CAMKMT: variants seen among roughly 807,000 people sequenced by gnomAD.
The protein encoded by CAMKMT is calmodulin-lysine N-methyltransferase.
A neutral mutation model predicts 48.0 loss-of-function variants in CAMKMT; 53 were observed. The ratio of observed to expected loss-of-function variants is 1.10; its 90% CI spans 0.89 to 1.39. The LOEUF (loss-of-function observed/expected upper bound fraction) is 1.39. Ranked by LOEUF, CAMKMT falls within the 40% of genes most tolerant of loss-of-function variation. The probability of loss-of-function intolerance (pLI) is 0.00; values close to 1 mark genes in which losing one functional copy is unlikely to be tolerated. For missense variants in CAMKMT, 428 were observed against 402.7 expected, an observed-to-expected ratio of 1.06 and a Z score of -0.54; for synonymous variants, 165 against 152.3, an observed-to-expected ratio of 1.08 and a Z score of -0.61.
chr2:44,523,764 G>A (rs1454954059), intron 3 of CAMKMT, among the ~76,000 whole-genome samples: 2 of 145,874 alleles, frequency 1.4e-5, no homozygotes, highest in Non-Finnish European at 3.0e-5. Flanking sequence ...CCTCCAGAGA[G>A]CGAGCATTTT....
chr2:44,555,546 A>T (rs1424544084), intron 3 of CAMKMT, among the ~76,000 whole-genome samples: 1 of 152,212 alleles, frequency 6.6e-6, no homozygotes, highest in Non-Finnish European at 1.5e-5. Flanking sequence ...GCTGTTGAGA[A>T]GGTCTAGGCA....
At chr2:44,471,463 G>A (rs949353947) in intron 3 of CAMKMT, among the ~76,000 whole-genome samples, 29 of 152,034 alleles carry the variant, frequency 1.9e-4, no homozygotes, top group Admixed American at 1.9e-3. Context: ...AGCTGGTGGT[G>A]GTGGTGGGTG....
intron 2 of CAMKMT, among the ~76,000 whole-genome samples, chr2:44,384,500 CT>C (rs141017634): frequency 0.048 from 4,583 of 95,742 alleles, 126 homozygotes; most frequent in African/African-American, 0.13. Context: ...AGCTATTTAT[CT>C]TTTTTTTTTT....
At chr2:44,378,508 G>A (rs1427376013) in intron 2 of CAMKMT, among the ~76,000 whole-genome samples, 1 of 125,222 alleles carries the variant, frequency 8.0e-6, no homozygotes, top group Non-Finnish European at 1.8e-5. Context: ...TTGTTTGTTT[G>A]TTTTGAGACA....
intron 3 of CAMKMT, among the ~76,000 whole-genome samples, chr2:44,442,508 C>T (rs968935068): frequency 1.3e-5 from 2 of 152,104 alleles, no homozygotes; most frequent in Non-Finnish European, 2.9e-5. Context: ...AGGCACTAAA[C>T]GTTATCTCTT....
intron 3 of CAMKMT, among the ~76,000 whole-genome samples, chr2:44,703,174 C>T (rs1213597359): frequency 2.0e-5 from 3 of 151,920 alleles, no homozygotes; most frequent in African/African-American, 7.3e-5. Context: ...GTAGTATATG[C>T]TTATTGTAAA....
chr2:44,471,849 T>C (rs1668435430), intron 3 of CAMKMT, among the ~76,000 whole-genome samples: 1 of 151,838 alleles, frequency 6.6e-6, no homozygotes, highest in Non-Finnish European at 1.5e-5. Flanking sequence ...CCTGGGTAAT[T>C]TTTGTATTTT....
chr2:44,633,813 G>C (rs1156808141), intron 3 of CAMKMT, among the ~76,000 whole-genome samples: 1 of 151,880 alleles, frequency 6.6e-6, no homozygotes, highest in Non-Finnish European at 1.5e-5. Flanking sequence ...AAGTTTTTGA[G>C]GATGCAGGAT....
Position 44,474,465 on chromosome 2 carries a change from A to C in CAMKMT, c.376+84160A>C, listed in dbSNP as rs544310214. ...CCGTCTCAAAAAAAAAAAAAAAAAGAAAAAGAAAAAAGAAATGTAGTAAGT... is the reference window on the plus strand; with the variant it reads ...CCGTCTCAAAAAAAAAAAAAAAAAGCAAAAGAAAAAAGAAATGTAGTAAGT... On this transcript the variant is annotated intron_variant, in intron 3 of 10. Coordinates refer to ENST00000378494, the MANE Select transcript of CAMKMT (RefSeq NM_024766.5). Among the ~76,000 whole-genome samples, 181 of 151,484 alleles carry C rather than the reference A, an allele frequency of 1.2e-3. 1 individual carries two copies. The highest frequency in any genetic ancestry group is 4.3e-3 in the African/African-American group (179 of 41,408).
At chr2:44,512,420 T>C (rs1227363657) in intron 3 of CAMKMT, among the ~76,000 whole-genome samples, 1 of 152,236 alleles carries the variant, frequency 6.6e-6, no homozygotes, top group East Asian at 1.9e-4. Context: ...CCATTATTAT[T>C]ATTTTCTAGC....
chr2:44,619,421 G>T (rs1035631420), intron 3 of CAMKMT, among the ~76,000 whole-genome samples: 1 of 151,712 alleles, frequency 6.6e-6, no homozygotes, highest in Non-Finnish European at 1.5e-5. Context: ...ACCTACTCTT[G>T]TACATTTTTA....
At chr2:44,435,182 T>C (rs891490482) in intron 3 of CAMKMT, among the ~76,000 whole-genome samples, 3 of 152,220 alleles carry the variant, frequency 2.0e-5, no homozygotes, top group Non-Finnish European at 4.4e-5. Flanking sequence ...AAACCACTAG[T>C]ATTTTTGGTC....
intron 3 of CAMKMT, among the ~76,000 whole-genome samples, chr2:44,431,135 T>G (rs1684625265): frequency 6.6e-6 from 1 of 152,184 alleles, no homozygotes; most frequent in Admixed American, 6.5e-5. Flanking sequence ...CTATTCTTTT[T>G]AATGAGAGAT....
chr2:44,482,998 T>C (rs1473117852), intron 3 of CAMKMT, among the ~76,000 whole-genome samples: 2 of 152,170 alleles, frequency 1.3e-5, no homozygotes, highest in Admixed American at 6.5e-5. Context: ...AGAATCATGA[T>C]GCCAATGCTG....
intron 3 of CAMKMT, among the ~76,000 whole-genome samples, chr2:44,394,149 C>G (rs1286038618): frequency 6.6e-6 from 1 of 151,970 alleles, no homozygotes; most frequent in Non-Finnish European, 1.5e-5. Flanking sequence ...GTATATAATC[C>G]TTTAAAGGAT....
chr2:44,488,352 A>G (rs963793946), intron 3 of CAMKMT, among the ~76,000 whole-genome samples: 1 of 152,142 alleles, frequency 6.6e-6, no homozygotes, highest in Non-Finnish European at 1.5e-5. Context: ...AATACAAAAA[A>G]AATTAGCTGA....
chr2:44,608,523 C>T (rs966994898), intron 3 of CAMKMT, among the ~76,000 whole-genome samples: 1 of 151,992 alleles, frequency 6.6e-6, no homozygotes. Context: ...AAACATTTAT[C>T]GTTTTCTTGT....
chr2:44,520,878 C>T (rs1671070152), intron 3 of CAMKMT, among the ~76,000 whole-genome samples: 1 of 152,162 alleles, frequency 6.6e-6, no homozygotes, highest in Non-Finnish European at 1.5e-5. Context: ...CCCTTGCTTG[C>T]ATTCATTCTT....
At position 44,772,213 on chromosome 2, in the gene CAMKMT, C is replaced by A; in HGVS notation, c.*100C>A. 1 of 952,110 alleles carries A rather than the reference C, an allele frequency of 1.1e-6. No individual in the cohort carries two copies. Among genetic ancestry groups the A allele is most frequent in the African/African-American group, 1.6e-5 (1 of 61,344 alleles). The allele number at this position is 952,110 out of a possible 1,614,324, so 59.0% of individuals were successfully genotyped here. On this transcript the variant is annotated 3_prime_UTR_variant, in exon 11 of 11. Transcript: ENST00000378494. ...AGGGGTATAATCGCCTGCCTGCGCCCTTTGCAGCATTTCACGTGTGGGCTA... is the reference window on the plus strand; with the variant it reads ...AGGGGTATAATCGCCTGCCTGCGCCATTTGCAGCATTTCACGTGTGGGCTA...
Sources: allele counts gnomAD v4.1 joint callset (sites outside exome capture counted in the v4.1 genomes callset), GRCh38; gene constraint gnomAD v4.1.1; transcripts MANE v1.5; gene names NCBI Gene and HGNC (gene_info 2026-07-23, HGNC 2026-07-21).